KIAA0753: variants seen among roughly 807,000 people sequenced by gnomAD.
KIAA0753 encodes the protein protein moonraker.
KIAA0753 carries 114 observed loss-of-function variants against 116.9 expected under a neutral mutation model. The ratio of observed to expected loss-of-function variants is 0.98; its 90% CI spans 0.84 to 1.14. The LOEUF is 1.14. Among genes scored for constraint, KIAA0753 ranks in the 50% most tolerant of loss-of-function variants. The pLI is 0.00. For synonymous variants in KIAA0753, 405 were observed against 413.1 expected, an observed-to-expected ratio of 0.98 and a Z score of 0.24; for missense variants, 1,156 against 1,172.4, an observed-to-expected ratio of 0.99 and a Z score of 0.20.
chr17:6,597,501 C>G (rs1162869951), intron 14 of KIAA0753, among the ~76,000 whole-genome samples: 1 of 152,134 alleles, frequency 6.6e-6, no homozygotes, highest in Non-Finnish European at 1.5e-5. Context: ...AATAAAGAAG[C>G]AGAGTATAGA....
intron 14 of KIAA0753, 46 bp downstream of exon 14, chr17:6,599,191 G>A (rs1037408305): frequency 7.7e-7 from 1 of 1,297,040 alleles, no homozygotes; most frequent in African/African-American, 1.5e-5. Context: ...AACTAAAGAT[G>A]TTATCAAGCA....
intron 7 of KIAA0753, 123 bp from the exon 8 acceptor site, chr17:6,612,271 T>C (rs1487907339): frequency 4.3e-6 from 3 of 704,786 alleles, no homozygotes; most frequent in Non-Finnish European, 4.7e-6. Flanking sequence ...GAAGCAGATG[T>C]TTTGTTGTCA....
intron 1 of KIAA0753, chr17:6,637,768 C>T (rs1015589086): frequency 1.3e-5 from 2 of 152,424 alleles, no homozygotes. Flanking sequence ...TCTTTCACCC[C>T]ACAATTCTGA....
At chr17:6,623,606 C>G (rs139010539) in intron 4 of KIAA0753, 35 bp from the exon 5 acceptor site, 3 of 1,589,562 alleles carry the variant, frequency 1.9e-6, no homozygotes, top group Non-Finnish European at 2.6e-6. Flanking sequence ...AAACTTCATA[C>G]CTTTCCATTG....
chr17:6,598,444 C>T (rs1969626813), intron 14 of KIAA0753, among the ~76,000 whole-genome samples: 1 of 152,190 alleles, frequency 6.6e-6, no homozygotes, highest in Non-Finnish European at 1.5e-5. Flanking sequence ...AATAGGGACA[C>T]ATTCTTGAAA....
At chr17:6,618,433 T>C (rs1021635478) in intron 7 of KIAA0753, among the ~76,000 whole-genome samples, 1 of 152,230 alleles carries the variant, frequency 6.6e-6, no homozygotes, top group African/African-American at 2.4e-5. Flanking sequence ...ACCTGGGACT[T>C]GTGACTGGTG....
chr17:6,621,006 A>G lies in KIAA0753; in HGVS notation c.1105-8T>C, dbSNP rs372249626. ...CAGGAGAGATTCCAAAGCCTGCCAC[A>G]AAAACAATCAATTATTCTCTTAGTT... On this transcript the variant is annotated splice_region_variant and splice_polypyrimidine_tract_variant and intron_variant, in intron 6 of 18. Transcript: ENST00000361413. 1 of 1,610,946 alleles carries G rather than the reference A, an allele frequency of 6.2e-7. No homozygotes were observed. Among genetic ancestry groups the G allele is most frequent in the East Asian group, 2.2e-5 (1 of 44,876 alleles).
chr17:6,612,909 A>T (rs1970650536), intron 7 of KIAA0753, among the ~76,000 whole-genome samples: 1 of 152,110 alleles, frequency 6.6e-6, no homozygotes, highest in South Asian at 2.1e-4. Context: ...TAAATAAATA[A>T]ATGTCACTTC....
At chr17:6,621,551 G>A (rs539745486) in intron 6 of KIAA0753, among the ~76,000 whole-genome samples, 1 of 152,288 alleles carries the variant, frequency 6.6e-6, no homozygotes, top group South Asian at 2.1e-4. Context: ...ACAGATTAAG[G>A]ACAACTGAAC....
At chr17:6,587,435 C>T (rs774213062) in intron 18 of KIAA0753, among the ~76,000 whole-genome samples, 4 of 152,180 alleles carry the variant, frequency 2.6e-5, no homozygotes, top group Non-Finnish European at 4.4e-5. Flanking sequence ...CACCTAACAA[C>T]TGTGAACAAA....
rs772378133 is a variant in KIAA0753, at chr17:6,628,287, G to A, written c.548C>T (p.Ser183Leu). The A allele has an allele frequency of 6.2e-7, 1 of 1,614,172 alleles. No homozygotes were observed. Among genetic ancestry groups the A allele is most frequent in the Non-Finnish European group, 8.5e-7 (1 of 1,180,026 alleles). ...VYLYSSHPGQ[S>L]DLTVPNSPPT... ...TGGCGAATTTGGCACAGTAAGATCT[G>A]ACTGGCCTGGATGAGATGAGTAAAG... The change falls in exon 3 of 19, where the codon TCA becomes TTA. Residue 183 changes from serine (S) to leucine (L), a missense_variant. Coordinates refer to ENST00000361413, the MANE Select transcript of KIAA0753 (RefSeq NM_014804.3).
At chr17:6,623,775 A>C in intron 4 of KIAA0753, 1 of 556,964 alleles carries the variant, frequency 1.8e-6, no homozygotes, top group Non-Finnish European at 2.9e-6. Context: ...GGCAGTGTTC[A>C]CCTTCCATCC....
chr17:6,591,012 A>AGAAG (rs139880428), intron 16 of KIAA0753, among the ~76,000 whole-genome samples: 21,325 of 83,602 alleles, frequency 0.26, 3,196 homozygotes, highest in Non-Finnish European at 0.34. Flanking sequence ...AGAAGAAGGA[A>AGAAG]GAAGAAGGAA....
At chr17:6,633,532 T>C (rs1972128778) in intron 2 of KIAA0753, among the ~76,000 whole-genome samples, 1 of 152,174 alleles carries the variant, frequency 6.6e-6, no homozygotes, top group African/African-American at 2.4e-5. Context: ...AATTTCACTG[T>C]TGGATATTTA....
chr17:6,580,349 C>G (rs769031943), intron 18 of KIAA0753, among the ~76,000 whole-genome samples: 18 of 145,490 alleles, frequency 1.2e-4, no homozygotes, highest in Non-Finnish European at 2.3e-4. Flanking sequence ...GAGTCTCGCT[C>G]TGTTGCCCAG....
At chr17:6,588,565 T>C (rs1968752848) in intron 18 of KIAA0753, among the ~76,000 whole-genome samples, 2 of 152,130 alleles carry the variant, frequency 1.3e-5, no homozygotes, top group Non-Finnish European at 2.9e-5. Flanking sequence ...AATTATATTA[T>C]TGAGAGGCTG....
At chr17:6,614,176 G>A (rs974691065) in intron 7 of KIAA0753, among the ~76,000 whole-genome samples, 1 of 152,144 alleles carries the variant, frequency 6.6e-6, no homozygotes, top group East Asian at 1.9e-4. Flanking sequence ...GGAAAAACAA[G>A]TACTCTCACA....
intron 7 of KIAA0753, among the ~76,000 whole-genome samples, chr17:6,615,636 A>AAAAC (rs1555530234): frequency 2.1e-4 from 32 of 151,336 alleles, no homozygotes; most frequent in African/African-American, 7.0e-4. Context: ...AAAAAAAAAA[A>AAAAC]AAAAAACCTA....
At chr17:6,623,130 C>T in intron 5 of KIAA0753, 33 bp from the exon 6 acceptor site, 1 of 1,566,662 alleles carries the variant, frequency 6.4e-7, no homozygotes, top group South Asian at 1.1e-5. Flanking sequence ...AAGTTATTTC[C>T]ATACTCAGAA....
Sources: gnomAD v4.1 joint callset for allele counts (sites outside exome capture counted in the v4.1 genomes callset) on GRCh38, gnomAD v4.1.1 for gene constraint, MANE v1.5 for transcripts, NCBI Gene and HGNC (gene_info 2026-07-23, HGNC 2026-07-21) for gene names.